Variants in ARL13B observed in about 807,000 individuals in gnomAD.
ARL13B encodes ARF like GTPase 13B.
In ARL13B, 36 loss-of-function variants were observed where a neutral mutation model predicts 56.1. The ratio of observed to expected loss-of-function variants is 0.64; its 90% CI spans 0.49 to 0.85. The LOEUF (loss-of-function observed/expected upper bound fraction) is 0.85, where lower values mean the gene tolerates loss of function less well. ARL13B is among the 40% of genes least tolerant of loss of function. ARL13B has a pLI of 0.00. For synonymous variants in ARL13B, 178 were observed against 171.1 expected, an observed-to-expected ratio of 1.04 and a Z score of -0.32; for missense variants, 519 against 507.1, an observed-to-expected ratio of 1.02 and a Z score of -0.23.
chr3:93,986,442 G>A (rs945657613), intron 1 of ARL13B, among the ~76,000 whole-genome samples: 1 of 151,926 alleles, frequency 6.6e-6, no homozygotes, highest in Non-Finnish European at 1.5e-5. Flanking sequence ...CTATCAATTT[G>A]TCGTATAGTG....
chr3:93,997,709 C>T (rs1013389925), intron 2 of ARL13B, among the ~76,000 whole-genome samples: 1 of 152,156 alleles, frequency 6.6e-6, no homozygotes, highest in African/African-American at 2.4e-5. Flanking sequence ...ACATGCTGGG[C>T]ACGGTGGCTC....
chr3:94,024,902 A>G (rs983960579), intron 3 of ARL13B, among the ~76,000 whole-genome samples: 1 of 152,196 alleles, frequency 6.6e-6, no homozygotes, highest in Non-Finnish European at 1.5e-5. Context: ...TTTTAAAAAA[A>G]TTAGAAATAA....
chr3:94,014,242 G>T (rs1269512837), intron 3 of ARL13B: 15 of 598,608 alleles, frequency 2.5e-5, no homozygotes, highest in Non-Finnish European at 3.8e-5. Flanking sequence ...ATTTTAGTGG[G>T]TTAGGGTTAA....
At chr3:94,040,510 A>G (rs1363847185) in intron 6 of ARL13B, among the ~76,000 whole-genome samples, 1 of 152,096 alleles carries the variant, frequency 6.6e-6, no homozygotes, top group Non-Finnish European at 1.5e-5. Context: ...TAATTTGTAG[A>G]TTTTAATTAT....
At chr3:94,042,286 G>A (rs1268889407) in intron 6 of ARL13B, among the ~76,000 whole-genome samples, 1 of 152,018 alleles carries the variant, frequency 6.6e-6, no homozygotes, top group Non-Finnish European at 1.5e-5. Context: ...AGGGAAGTTT[G>A]TGACTATATG....
rs575958011 is a variant in ARL13B at position 94,023,707 on chromosome 3, T to C, written c.381-11624T>C. On this transcript the variant is annotated intron_variant, in intron 3 of 9. Transcript: ENST00000394222. ...TATCTACTTGATTGCAAATCTGTTC[T>C]TTTTCCCCTATTGTCTATTGAGTAG... Among the ~76,000 whole-genome samples, 25 of 152,266 alleles carry C rather than the reference T, an allele frequency of 1.6e-4. 2 individuals carry two copies. Among genetic ancestry groups the C allele is most frequent in the Middle Eastern group, 6.8e-3 (2 of 294 alleles).
chr3:93,982,990 ATT>A, intron 1 of ARL13B, among the ~76,000 whole-genome samples: 1 of 152,182 alleles, frequency 6.6e-6, no homozygotes, highest in East Asian at 1.9e-4. Context: ...TTATGTATAT[ATT>A]TGTTTTCTGT....
At chr3:94,042,056 C>CA (rs888512832) in intron 6 of ARL13B, among the ~76,000 whole-genome samples, 5 of 151,434 alleles carry the variant, frequency 3.3e-5, no homozygotes, top group African/African-American at 7.3e-5. Context: ...GACTCCATCT[C>CA]AAAAAAAATA....
chr3:94,022,940 A>G (rs1455968756), intron 3 of ARL13B, among the ~76,000 whole-genome samples: 2 of 151,938 alleles, frequency 1.3e-5, no homozygotes, highest in African/African-American at 2.4e-5. Context: ...TCCTCTTGAC[A>G]TATTTAAATA....
At chr3:94,011,178 A>T (rs970667533) in intron 3 of ARL13B, among the ~76,000 whole-genome samples, 2 of 152,112 alleles carry the variant, frequency 1.3e-5, no homozygotes, top group African/African-American at 4.8e-5. Flanking sequence ...AAATTCAGTC[A>T]TTTCAAATAC....
At position 93,980,177 on chromosome 3, in the gene ARL13B, C is replaced by G. The variant is rs1433339221; in HGVS notation, c.-247C>G. 3 of 663,514 alleles carry G rather than the reference C, an allele frequency of 4.5e-6. No homozygotes were observed. Among genetic ancestry groups the G allele is most frequent in the Non-Finnish European group, 8.2e-6 (3 of 363,844 alleles). The allele number at this position is 663,514 out of a possible 1,614,324, so 41.1% of individuals were successfully genotyped here. On this transcript the variant is annotated 5_prime_UTR_variant, in exon 1 of 10. Transcript: ENST00000394222. Reference sequence around the variant, plus strand: ...GGGGCTTTTCTTTAGCCGGGTCCCGCTAACTCGGCTACGGTGTATCTGCGT... The same window carrying G: ...GGGGCTTTTCTTTAGCCGGGTCCCGGTAACTCGGCTACGGTGTATCTGCGT...
chr3:93,990,750 T>C (rs918341277), intron 1 of ARL13B, among the ~76,000 whole-genome samples: 1 of 152,204 alleles, frequency 6.6e-6, no homozygotes, highest in African/African-American at 2.4e-5. Flanking sequence ...GCTGCTATGC[T>C]GAGATATGCT....
intron 1 of ARL13B, among the ~76,000 whole-genome samples, chr3:93,991,345 A>C (rs551590020): frequency 7.4e-4 from 112 of 152,284 alleles, no homozygotes; most frequent in African/African-American, 2.6e-3. Context: ...ATAATAATTT[A>C]CCATATTTTT....
chr3:94,046,328 A>G (rs936292241), intron 7 of ARL13B, among the ~76,000 whole-genome samples: 4 of 152,050 alleles, frequency 2.6e-5, no homozygotes, highest in Admixed American at 2.0e-4. Context: ...TCTGCTTTAT[A>G]TCATTTATAT....
At chr3:93,998,636 C>T (rs1559973244) in intron 2 of ARL13B, among the ~76,000 whole-genome samples, 2 of 152,144 alleles carry the variant, frequency 1.3e-5, no homozygotes, top group African/African-American at 2.4e-5. Context: ...GTATAGTCTC[C>T]TCTTTTATAA....
intron 2 of ARL13B, among the ~76,000 whole-genome samples, chr3:94,002,850 A>G (rs753204385): frequency 2.2e-4 from 34 of 152,254 alleles, no homozygotes; most frequent in Admixed American, 7.8e-4. Flanking sequence ...CTGTAGGCAC[A>G]ATGTTCAATT....
At chr3:94,039,479 G>C (rs888864445) in intron 5 of ARL13B, among the ~76,000 whole-genome samples, 1 of 122,850 alleles carries the variant, frequency 8.1e-6, no homozygotes, top group African/African-American at 3.5e-5. Context: ...CAGCCTGGGC[G>C]AGAATGCAAG....
chr3:94,016,887 C>T (rs1236554229), intron 3 of ARL13B, among the ~76,000 whole-genome samples: 5 of 152,110 alleles, frequency 3.3e-5, no homozygotes, highest in East Asian at 1.9e-4. Context: ...CCTCGTGATC[C>T]GCCCACCTTG....
chr3:94,052,525 G>C (rs527433105), intron 9 of ARL13B, among the ~76,000 whole-genome samples: 2 of 152,074 alleles, frequency 1.3e-5, no homozygotes, highest in Non-Finnish European at 2.9e-5. Context: ...AAAGAATATT[G>C]TTTAGTTGGA....
Sources: gnomAD v4.1 joint callset for allele counts (sites outside exome capture counted in the v4.1 genomes callset) on GRCh38, gnomAD v4.1.1 for gene constraint, MANE v1.5 for transcripts, NCBI Gene and HGNC (gene_info 2026-07-23, HGNC 2026-07-21) for gene names.